The following MARCHF1 variants were observed in gnomAD, a reference collection of about 807,000 sequenced individuals.
MARCHF1 encodes E3 ubiquitin-protein ligase MARCHF1.
In MARCHF1, 40 loss-of-function variants were observed where a neutral mutation model predicts 54.2. The observed-to-expected ratio is 0.74, with a 90% confidence interval of 0.57 to 0.96. MARCHF1 has a LOEUF of 0.96. MARCHF1 is among the 40% of genes least tolerant of loss of function. The pLI is 0.00. For missense variants in MARCHF1, 586 were observed against 656.5 expected (o/e 0.89, Z 1.17); for synonymous variants, 236 against 236.3 (o/e 1.00, Z 0.01).
At chr4:164,020,885 A>G (rs1347337830) in intron 2 of MARCHF1, among the ~76,000 whole-genome samples, 1 of 152,164 alleles carries the variant, frequency 6.6e-6, no homozygotes, top group East Asian at 1.9e-4. Context: ...GAACTGTGAT[A>G]GTGCTACTGC....
chr4:164,197,855 A>ATC, intron 1 of MARCHF1: 27 of 1,346,020 alleles, frequency 2.0e-5, no homozygotes, highest in Non-Finnish European at 2.6e-5. Flanking sequence ...AAATATTATA[A>ATC]TAAAGGGACT....
At chr4:164,018,089 A>G (rs1217300299) in intron 2 of MARCHF1, among the ~76,000 whole-genome samples, 2 of 152,012 alleles carry the variant, frequency 1.3e-5, no homozygotes, top group Non-Finnish European at 2.9e-5. Flanking sequence ...ATCTGGTAAT[A>G]TCCGTGTATA....
chr4:163,927,870 T>G (rs1751571044), intron 3 of MARCHF1, among the ~76,000 whole-genome samples: 1 of 151,842 alleles, frequency 6.6e-6, no homozygotes, highest in South Asian at 2.1e-4. Context: ...CAAGCGGAGC[T>G]TCATGAGCAA....
chr4:163,656,808 A>G lies in MARCHF1; in HGVS notation c.163-43415T>C, dbSNP rs769843559. Among the ~76,000 whole-genome samples the G allele has an allele frequency of 5.9e-5, 9 of 152,094 alleles. 1 individual carries two copies. The highest frequency in any genetic ancestry group is 1.2e-4 in the Non-Finnish European group (8 of 67,998). On this transcript the variant is annotated intron_variant, in intron 5 of 9. Transcript: ENST00000514618. ...AAACAGAACTAAAAACAAAAAATAC[A>G]TGATTATCTTAATAGAGATGTAGAA... is the stretch of plus-strand genomic sequence containing the variant.
rs1009703164 is a variant in MARCHF1, at chr4:164,046,807, G to A, written c.-247-58098C>T. Among the ~76,000 whole-genome samples the A allele has an allele frequency of 1.1e-4, 16 of 152,288 alleles. No homozygotes were observed. In the East Asian group the frequency reaches 2.5e-3, roughly 24 times the overall value. On this transcript the variant is annotated intron_variant, in intron 2 of 9. Transcript: ENST00000514618. ...ACCTAGGACAAGGTGAAGGAAAGCAGTAAGGTATTGGATGAGAACTCAGAG... is the reference window on the plus strand; with the variant it reads ...ACCTAGGACAAGGTGAAGGAAAGCAATAAGGTATTGGATGAGAACTCAGAG...
intron 3 of MARCHF1, among the ~76,000 whole-genome samples, chr4:163,943,748 T>TAAAAAAAAAAAAAAA (rs5863641): frequency 8.1e-6 from 1 of 123,526 alleles, no homozygotes; most frequent in African/African-American, 3.0e-5. Flanking sequence ...AAATAGAAGT[T>TAAAAAAAAAAAAAAA]AAAAAAAAAA....
At chr4:163,929,797 T>C (rs1184912593) in intron 3 of MARCHF1, among the ~76,000 whole-genome samples, 2 of 150,274 alleles carry the variant, frequency 1.3e-5, no homozygotes, top group Non-Finnish European at 3.0e-5. Context: ...CTAGATCCCA[T>C]ATATTCTGAT....
At position 163,526,197 on chromosome 4, in the gene MARCHF1, A is replaced by G. The variant is rs928979475; in HGVS notation, c.*2551T>C. 1.3e-5 allele frequency: 2 copies of G among 152,222 alleles called. No individual in the cohort carries two copies. The highest frequency in any genetic ancestry group is 4.1e-4 in the South Asian group (2 of 4,830). The allele number at this position is 152,222 out of a possible 1,614,324, so 9.4% of individuals were successfully genotyped here. A position where few individuals can be genotyped will look rare whatever the true frequency, so the allele number is the denominator to read the frequency against. On this transcript the variant is annotated 3_prime_UTR_variant, in exon 10 of 10. Transcript: ENST00000514618. The stretch of plus-strand genomic sequence containing the variant: ...AGAATAATGCTTACCTTTGCTTTTT[A>G]TTCTAGAAATGTTTTCTTAGTGTTA...
chr4:163,733,296 C>T (rs1205128629), intron 4 of MARCHF1, among the ~76,000 whole-genome samples: 3 of 125,688 alleles, frequency 2.4e-5, no homozygotes, highest in African/African-American at 9.2e-5. Context: ...CACACACACA[C>T]GCACACATAT....
chr4:164,186,280 C>T (rs1730968258), intron 1 of MARCHF1, among the ~76,000 whole-genome samples: 1 of 152,154 alleles, frequency 6.6e-6, no homozygotes, highest in Non-Finnish European at 1.5e-5. Flanking sequence ...TTCAGGATCT[C>T]CTTGAGGGTA....
chr4:164,349,669 T>C (rs1730221329), intron 1 of MARCHF1, among the ~76,000 whole-genome samples: 1 of 152,182 alleles, frequency 6.6e-6, no homozygotes, highest in South Asian at 2.1e-4. Flanking sequence ...TTGAATATCA[T>C]AATCAAAATC....
chr4:164,096,604 C>T (rs567896406), intron 2 of MARCHF1, among the ~76,000 whole-genome samples: 1 of 151,662 alleles, frequency 6.6e-6, no homozygotes, highest in African/African-American at 2.4e-5. Context: ...CCTCCAGAGT[C>T]CTTCTCTTTG....
chr4:163,899,535 G>A (rs1299396292), intron 3 of MARCHF1, among the ~76,000 whole-genome samples: 1 of 151,894 alleles, frequency 6.6e-6, no homozygotes, highest in Non-Finnish European at 1.5e-5. Context: ...CCCTGGCTGT[G>A]TCCTCAGATC....
intron 1 of MARCHF1, among the ~76,000 whole-genome samples, chr4:164,165,255 G>A (rs1010825850): frequency 3.9e-5 from 6 of 152,120 alleles, no homozygotes; most frequent in African/African-American, 1.4e-4. Context: ...TTTGGAGATA[G>A]GGCCTTTATA....
chr4:164,354,364 A>G (rs1190516121), intron 1 of MARCHF1, among the ~76,000 whole-genome samples: 15 of 137,264 alleles, frequency 1.1e-4, no homozygotes, highest in Non-Finnish European at 1.8e-4. Flanking sequence ...AAAATCCTCA[A>G]TAAAATACTG....
intron 1 of MARCHF1, among the ~76,000 whole-genome samples, chr4:164,114,884 A>G (rs1755909663): frequency 6.6e-6 from 1 of 151,890 alleles, no homozygotes; most frequent in Non-Finnish European, 1.5e-5. Context: ...ATGGAATGGC[A>G]CATGAAATTA....
At chr4:163,640,714 T>G (rs529467659) in intron 5 of MARCHF1, among the ~76,000 whole-genome samples, 1 of 152,272 alleles carries the variant, frequency 6.6e-6, no homozygotes, top group East Asian at 1.9e-4. Flanking sequence ...AATTGCCAAC[T>G]TCATGCCTAA....
At chr4:164,141,321 C>T (rs540456326) in intron 1 of MARCHF1, among the ~76,000 whole-genome samples, 1 of 152,286 alleles carries the variant, frequency 6.6e-6, no homozygotes, top group Non-Finnish European at 1.5e-5. Context: ...ATGTGATCAA[C>T]CAATGTTGAC....
intron 3 of MARCHF1, among the ~76,000 whole-genome samples, chr4:163,857,421 G>T (rs1749799338): frequency 6.6e-6 from 1 of 151,964 alleles, no homozygotes; most frequent in Non-Finnish European, 1.5e-5. Flanking sequence ...CAGAAGGGTA[G>T]GCAAATTATA....
Sources: gnomAD v4.1 joint callset for allele counts (sites outside exome capture counted in the v4.1 genomes callset) on GRCh38, gnomAD v4.1.1 for gene constraint, MANE v1.5 for transcripts, NCBI Gene and HGNC (gene_info 2026-07-23, HGNC 2026-07-21) for gene names.